The following IGHMBP2 variants were observed in gnomAD, a reference collection of about 807,000 sequenced individuals.
IGHMBP2 encodes the protein DNA-binding protein SMUBP-2.
Under a neutral mutation model 96.0 loss-of-function variants are expected in IGHMBP2, and 81 were observed. The observed-to-expected ratio is 0.84, with a 90% CI of 0.71 to 1.01. The LOEUF (loss-of-function observed/expected upper bound fraction) is 1.01, where lower values mean the gene tolerates loss of function less well. Among genes scored for constraint, IGHMBP2 ranks in the 50% least tolerant of loss-of-function variants. IGHMBP2 has a pLI of 0.00. For missense variants in IGHMBP2, 1,227 were observed against 1,306.3 expected, an observed-to-expected ratio of 0.94 and a Z score of 0.94; for synonymous variants, 557 against 548.9, an observed-to-expected ratio of 1.01 and a Z score of -0.21.
At chr11:68,921,123 G>A (rs146523625) in intron 7 of IGHMBP2, among the ~76,000 whole-genome samples, 117 of 149,176 alleles carry the variant, frequency 7.8e-4, no homozygotes, top group African/African-American at 2.7e-3. Flanking sequence ...AGTTTCTGCC[G>A]TTTGTTCTTT....
At position 68,903,919 on chromosome 11, in the gene IGHMBP2, C is replaced by G. The variant is rs199806263; in HGVS notation, c.-34C>G. 354 of 1,599,662 alleles carry G rather than the reference C, an allele frequency of 2.2e-4. 2 individuals carry two copies. In the African/African-American group the frequency reaches 4.1e-3, roughly 18 times the overall value. On this transcript the variant is annotated 5_prime_UTR_variant, in exon 1 of 15. Transcript: ENST00000255078. ...ACACCGGCCCGGCGCAGAAGCGGGA[C>G]GTCGGCTTCTAGGGGCCCAGGCCGG...
intron 7 of IGHMBP2, among the ~76,000 whole-genome samples, chr11:68,927,979 G>A (rs1350578311): frequency 2.6e-5 from 4 of 152,244 alleles, no homozygotes; most frequent in African/African-American, 4.8e-5. Context: ...GGATTCAGAT[G>A]CTTTTCTGGA....
chr11:68,932,935 G>A, intron 8 of IGHMBP2: 1 of 338,842 alleles, frequency 3.0e-6, no homozygotes, highest in South Asian at 3.2e-5. Context: ...AGCCAGCCGT[G>A]TTACGTCTTC....
chr11:68,922,317 A>G (rs181904219), intron 7 of IGHMBP2, among the ~76,000 whole-genome samples: 1 of 146,452 alleles, frequency 6.8e-6, no homozygotes, highest in Non-Finnish European at 1.5e-5. Context: ...ACTCCGTCTC[A>G]AAAAAAAAAA....
intron 4 of IGHMBP2, among the ~76,000 whole-genome samples, chr11:68,908,842 G>GTTTTTT (rs770866695): frequency 7.4e-6 from 1 of 134,620 alleles, no homozygotes; most frequent in Non-Finnish European, 1.6e-5. Flanking sequence ...TTCCATTGAG[G>GTTTTTT]TTTTTTTTTT....
At chr11:68,907,046 T>C (rs944298146) in intron 2 of IGHMBP2, among the ~76,000 whole-genome samples, 2 of 151,884 alleles carry the variant, frequency 1.3e-5, no homozygotes, top group Non-Finnish European at 2.9e-5. Context: ...GATCACTTGA[T>C]CTCAGGAGTT....
intron 7 of IGHMBP2, among the ~76,000 whole-genome samples, chr11:68,922,405 T>G (rs1858912618): frequency 6.6e-6 from 1 of 151,190 alleles, no homozygotes; most frequent in Non-Finnish European, 1.5e-5. Flanking sequence ...TTGCTTCATG[T>G]TTTTTTTTGA....
chr11:68,906,451 A>G (rs1858198614), intron 2 of IGHMBP2: 1 of 596,648 alleles, frequency 1.7e-6, no homozygotes, highest in Non-Finnish European at 3.0e-6. Flanking sequence ...TGGTCATCAA[A>G]TGTTTGAAGT....
At chr11:68,930,703 G>A (rs1233318102) in intron 8 of IGHMBP2, among the ~76,000 whole-genome samples, 2 of 152,138 alleles carry the variant, frequency 1.3e-5, no homozygotes, top group Non-Finnish European at 2.9e-5. Context: ...ATTAGTGAAG[G>A]GTGAAGAACA....
At position 68,936,789 on chromosome 11, in the gene IGHMBP2, A is replaced by G; in HGVS notation, c.2309A>G (p.Asp770Gly). ...GCCGAGGAGCACGGGCTGAGGCACG[A>G]CAGTTCCGGGGAAGGGAAGAGGAGG... The part of the protein sequence containing the change: ...QIAEEHGLRH[D>G]SSGEGKRRFI... Residue 770 changes from aspartate to glycine, a missense_variant, in exon 13 of 15, where the codon GAC becomes GGC. Physicochemically the swap from Asp to Gly is moderately conservative, Grantham distance 94. This residue lies in a region of IGHMBP2 where 703 missense variants were observed against 770.3 expected (regional missense o/e 0.91). Coordinates refer to ENST00000255078, the MANE Select transcript of IGHMBP2 (RefSeq NM_002180.3). 1 of 1,614,032 alleles carries G rather than the reference A, an allele frequency of 6.2e-7. No individual in the cohort carries two copies. The highest frequency in any genetic ancestry group is 8.5e-7 in the Non-Finnish European group (1 of 1,180,024).
rs71043469 is a variant in IGHMBP2, at chr11:68,913,043, C to CAAAAAAAAAA, written c.711+1456_711+1465dup. 6.0e-3 allele frequency among the ~76,000 whole-genome samples: 225 copies of CAAAAAAAAAA among 37,418 alleles called. 5 individuals are homozygous for CAAAAAAAAAA. The highest frequency in any genetic ancestry group is 7.7e-3 in the Non-Finnish European group (169 of 22,060). 24.5% of individuals were successfully genotyped at this position (37,418 alleles called of 152,430 possible). On this transcript the variant is annotated intron_variant, in intron 5 of 14. Transcript: ENST00000255078. ...GGCAATAAGAGCAAAACTCCATCTC[C>CAAAAAAAAAA]AAAAAAAAAAAAAAAAAAAAAAAAA...
intron 4 of IGHMBP2, among the ~76,000 whole-genome samples, chr11:68,910,195 A>G (rs974954809): frequency 2.0e-4 from 31 of 152,228 alleles, no homozygotes; most frequent in African/African-American, 7.0e-4. Flanking sequence ...CAGTCCCTCA[A>G]GATGTGTTGT....
At chr11:68,922,858 C>T (rs764694255) in intron 7 of IGHMBP2, among the ~76,000 whole-genome samples, 1 of 152,218 alleles carries the variant, frequency 6.6e-6, no homozygotes, top group Non-Finnish European at 1.5e-5. Flanking sequence ...GCTGAGTTCA[C>T]TAATTTCCTT....
At chr11:68,932,703 TGTG>T in intron 8 of IGHMBP2, 2 of 163,532 alleles carry the variant, frequency 1.2e-5, no homozygotes, top group East Asian at 1.7e-4. Context: ...CTGTTATGGC[TGTG>T]ACAAATGACC....
At position 68,933,834 on chromosome 11, in the gene IGHMBP2, G is replaced by C. The variant is rs1859414030; in HGVS notation, c.1458G>C (p.Val486=). The C allele has an allele frequency of 6.2e-7, 1 of 1,612,144 alleles. No individual in the cohort carries two copies. Among genetic ancestry groups the C allele is most frequent in the South Asian group, 1.1e-5 (1 of 90,540 alleles). The change falls in exon 10 of 15, where the codon GTG becomes GTC. Residue 486 remains valine, a synonymous_variant. Coordinates refer to ENST00000255078, the MANE Select transcript of IGHMBP2 (RefSeq NM_002180.3). ...TGGCTGCCACAGAAGAGACGGGTGT[G>C]CCCCTGCTCTTGGTGGACACCGCCG... ...PGVAATEETG[V]PLLLVDTAGC...
chr11:68,911,331 C>A, intron 4 of IGHMBP2, 109 bp from the exon 5 acceptor site: 1 of 1,092,978 alleles, frequency 9.1e-7, no homozygotes, highest in Non-Finnish European at 1.4e-6. Flanking sequence ...GGAGGTCCGG[C>A]GTGTTCCTGA....
chr11:68,917,655 G>A, intron 6 of IGHMBP2, 81 bp from the exon 7 acceptor site: 2 of 1,164,308 alleles, frequency 1.7e-6, no homozygotes, highest in Non-Finnish European at 2.6e-6. Flanking sequence ...TGGACTGAAT[G>A]ATAGAAGCAC....
chr11:68,937,519 A>G (rs982515920), intron 13 of IGHMBP2, among the ~76,000 whole-genome samples: 2 of 152,374 alleles, frequency 1.3e-5, no homozygotes, highest in African/African-American at 4.8e-5. Context: ...GCTCAGAACC[A>G]CAGGGGCTGG....
At chr11:68,930,851 C>G (rs182804811) in intron 8 of IGHMBP2, among the ~76,000 whole-genome samples, 1 of 152,266 alleles carries the variant, frequency 6.6e-6, no homozygotes, top group Non-Finnish European at 1.5e-5. Flanking sequence ...ACTTGGACAT[C>G]TCTGCAGGTC....
Sources: gnomAD v4.1 joint callset for allele counts (sites outside exome capture counted in the v4.1 genomes callset) on GRCh38, gnomAD v4.1.1 for gene constraint, gnomAD v4.1.1 regional missense constraint, MANE v1.5 for transcripts, NCBI Gene and HGNC (gene_info 2026-07-23, HGNC 2026-07-21) for gene names.